Variants in RBFOX1 observed in about 807,000 individuals in gnomAD.
RBFOX1 encodes RNA binding fox-1 homolog 1, also known as RNA binding protein fox-1 homolog 1.
RBFOX1 carries 8 observed loss-of-function variants against 57.7 expected under a neutral mutation model. The observed-to-expected ratio is 0.14, with a 90% CI of 0.08 to 0.25. RBFOX1 has a LOEUF of 0.25. Ranked by LOEUF, RBFOX1 falls within the 10% of genes least tolerant of loss-of-function variation. The pLI is 1.00. For synonymous variants in RBFOX1, 326 were observed against 222.4 expected (o/e 1.47, Z -4.15); for missense variants, 611 against 548.5 (o/e 1.11, Z -1.14).
intron 3 of RBFOX1, among the ~76,000 whole-genome samples, chr16:6,794,878 A>G (rs528171028): frequency 6.6e-6 from 1 of 152,248 alleles, no homozygotes; most frequent in African/African-American, 2.4e-5. Context: ...TATGAAAAAA[A>G]TGGAGGGAAG....
At chr16:6,901,388 C>T (rs1304849174) in intron 3 of RBFOX1, among the ~76,000 whole-genome samples, 1 of 152,082 alleles carries the variant, frequency 6.6e-6, no homozygotes, top group African/African-American at 2.4e-5. Flanking sequence ...TCAAAGTGAA[C>T]AGGACGTTCC....
In RBFOX1 at chr16:6,953,352, C is replaced by A. The variant is rs565687190; in HGVS notation, c.-15-98705C>A. 1.1e-4 allele frequency among the ~76,000 whole-genome samples: 16 copies of A among 149,754 alleles called. No individual in the cohort carries two copies. The South Asian group carries it at 3.4e-3, about 32-fold the overall frequency. On this transcript the variant is annotated intron_variant, in intron 3 of 15. Transcript: ENST00000550418. ...ACCAGCAACTTAATAACATAGAGAT[C>A]ACAATGTTTCCCATATACATGATTT...
intron 1 of RBFOX1, among the ~76,000 whole-genome samples, chr16:6,073,531 A>T (rs1457574880): frequency 1.3e-5 from 2 of 152,222 alleles, no homozygotes; most frequent in African/African-American, 4.8e-5. Context: ...TACGTGTAGC[A>T]TGTTGAATTA....
intron 1 of RBFOX1, among the ~76,000 whole-genome samples, chr16:6,233,514 C>G (rs898253937): frequency 1.3e-5 from 2 of 152,086 alleles, no homozygotes; most frequent in African/African-American, 4.8e-5. Context: ...AGGAAGGAGA[C>G]AAAAATCCTT....
chr16:7,171,509 T>A (rs1465021286), intron 4 of RBFOX1, among the ~76,000 whole-genome samples: 1 of 152,178 alleles, frequency 6.6e-6, no homozygotes. Flanking sequence ...TGTGAATCCT[T>A]AATGTGACAC....
At chr16:6,793,353 T>C (rs2083335012) in intron 3 of RBFOX1, among the ~76,000 whole-genome samples, 4 of 152,136 alleles carry the variant, frequency 2.6e-5, no homozygotes, top group South Asian at 2.1e-4. Flanking sequence ...CAAAATATGA[T>C]TTTCTTCCAT....
At chr16:5,733,189 CTAGGAAATTAGAAT>C (rs1345506818) in intron 3 of RBFOX1, among the ~76,000 whole-genome samples, 1 of 152,208 alleles carries the variant, frequency 6.6e-6, no homozygotes, top group Admixed American at 6.5e-5. Context: ...ATTTCACCAA[CTAGGAAATTAGAAT>C]TAAAGAGACT....
At chr16:6,561,774 T>A (rs1490269272) in intron 2 of RBFOX1, among the ~76,000 whole-genome samples, 2 of 152,226 alleles carry the variant, frequency 1.3e-5, no homozygotes, top group Admixed American at 1.3e-4. Context: ...GCTTTATAAG[T>A]GATTAGTGGA....
intron 1 of RBFOX1, among the ~76,000 whole-genome samples, chr16:6,055,299 G>C (rs1311356076): frequency 6.6e-6 from 1 of 152,086 alleles, no homozygotes; most frequent in African/African-American, 2.4e-5. Flanking sequence ...AGATACAGAA[G>C]TGAACAGGCA....
At chr16:7,498,332 C>T (rs1425158911) in intron 4 of RBFOX1, among the ~76,000 whole-genome samples, 2 of 152,180 alleles carry the variant, frequency 1.3e-5, no homozygotes, top group African/African-American at 4.8e-5. Flanking sequence ...AATGAACTAG[C>T]TAATGGTGTA....
chr16:5,914,102 T>TAA (rs762702032), intron 4 of RBFOX1, among the ~76,000 whole-genome samples: 42 of 152,316 alleles, frequency 2.8e-4, no homozygotes, highest in Non-Finnish European at 4.7e-4. Context: ...ACTTTCAAGC[T>TAA]GTGTTGTCTC....
chr16:6,205,862 A>AGTTTT (rs1567675773), intron 1 of RBFOX1, among the ~76,000 whole-genome samples: 7 of 25,576 alleles, frequency 2.7e-4, no homozygotes, highest in African/African-American at 7.2e-4. Context: ...ACGAGATCAT[A>AGTTTT]CTTTTTTTTT....
At chr16:7,308,159 G>A (rs2096235490) in intron 4 of RBFOX1, among the ~76,000 whole-genome samples, 1 of 152,052 alleles carries the variant, frequency 6.6e-6, no homozygotes, top group African/African-American at 2.4e-5. Context: ...ATCTAGAGAT[G>A]GTTTATTTCT....
At chr16:5,621,095 C>G (rs1254947158) in intron 3 of RBFOX1, among the ~76,000 whole-genome samples, 1 of 152,206 alleles carries the variant, frequency 6.6e-6, no homozygotes, top group Non-Finnish European at 1.5e-5. Flanking sequence ...CTGCCTTGGC[C>G]TCCCAAAGTG....
chr16:7,540,656 AT>A (rs1210830756), intron 5 of RBFOX1, among the ~76,000 whole-genome samples: 2 of 152,170 alleles, frequency 1.3e-5, no homozygotes, highest in Non-Finnish European at 2.9e-5. Context: ...CATGATAGTC[AT>A]GACCTCTTCA....
chr16:7,309,610 G>A (rs988514404), intron 4 of RBFOX1, among the ~76,000 whole-genome samples: 1 of 152,200 alleles, frequency 6.6e-6, no homozygotes, highest in Non-Finnish European at 1.5e-5. Context: ...CTGATGGACT[G>A]AGGGTAGACA....
At chr16:5,907,513 A>T (rs1055180474) in intron 4 of RBFOX1, among the ~76,000 whole-genome samples, 2 of 152,116 alleles carry the variant, frequency 1.3e-5, no homozygotes, top group Non-Finnish European at 2.9e-5. Flanking sequence ...GCCTATGGAG[A>T]ACAGGGGCTT....
chr16:6,221,168 G>T (rs1224511150), intron 1 of RBFOX1, among the ~76,000 whole-genome samples: 1 of 152,096 alleles, frequency 6.6e-6, no homozygotes, highest in East Asian at 1.9e-4. Flanking sequence ...TACTTTACAT[G>T]TATTTCCAAC....
intron 4 of RBFOX1, among the ~76,000 whole-genome samples, chr16:7,377,641 T>C (rs1305424459): frequency 6.6e-6 from 1 of 152,226 alleles, no homozygotes; most frequent in East Asian, 1.9e-4. Context: ...GTCTGAAAGA[T>C]GACTCATTCA....
Sources: allele counts gnomAD v4.1 joint callset (sites outside exome capture counted in the v4.1 genomes callset), GRCh38; gene constraint gnomAD v4.1.1; transcripts MANE v1.5; gene names NCBI Gene and HGNC (gene_info 2026-07-23, HGNC 2026-07-21).